The following E2F6 variants were observed in gnomAD, a reference collection of about 807,000 sequenced individuals.
E2F6 encodes E2F transcription factor 6.
E2F6 carries 19 observed loss-of-function variants against 31.5 expected under a neutral mutation model. That is an observed-to-expected ratio of 0.60 (90% CI 0.42 to 0.89). E2F6 has a LOEUF of 0.89. Ranked by LOEUF, E2F6 falls within the 40% of genes least tolerant of loss-of-function variation. The probability of loss-of-function intolerance (pLI) is 0.00; values close to 1 mark genes in which losing one functional copy is unlikely to be tolerated. For synonymous variants in E2F6, 121 were observed against 127.7 expected, an observed-to-expected ratio of 0.95 and a Z score of 0.36; for missense variants, 269 against 341.6, an observed-to-expected ratio of 0.79 and a Z score of 1.67.
intron 2 of E2F6, among the ~76,000 whole-genome samples, chr2:11,455,693 C>T (rs758668333): frequency 6.6e-6 from 1 of 152,110 alleles, no homozygotes; most frequent in Non-Finnish European, 1.5e-5. Flanking sequence ...CAACGGAACA[C>T]CAAAAATGTG....
At chr2:11,464,335 A>G (rs1255809402) in intron 1 of E2F6, among the ~76,000 whole-genome samples, 2 of 148,590 alleles carry the variant, frequency 1.3e-5, no homozygotes, top group African/African-American at 5.2e-5. Flanking sequence ...TTACACGGTG[A>G]AACCCCATCT....
intron 6 of E2F6, among the ~76,000 whole-genome samples, chr2:11,446,910 C>G (rs1019132399): frequency 6.6e-6 from 1 of 152,230 alleles, no homozygotes; most frequent in African/African-American, 2.4e-5. Flanking sequence ...AGCTTCCTAT[C>G]GGTCCAGCCT....
chr2:11,449,626 TTTG>T (rs1178830440), intron 5 of E2F6, among the ~76,000 whole-genome samples: 5 of 152,126 alleles, frequency 3.3e-5, no homozygotes, highest in Non-Finnish European at 4.4e-5. Flanking sequence ...CTTTCAAGAG[TTTG>T]TTAATTCCCC....
At chr2:11,451,414 C>CA in intron 4 of E2F6, 2 of 263,082 alleles carry the variant, frequency 7.6e-6, no homozygotes. Flanking sequence ...GCAATGGCGC[C>CA]ATCTCCGCTC....
chr2:11,458,822 T>A (rs1671579865), intron 1 of E2F6, among the ~76,000 whole-genome samples: 1 of 152,140 alleles, frequency 6.6e-6, no homozygotes, highest in Non-Finnish European at 1.5e-5. Context: ...TAAAATTAAT[T>A]TAGTTGTTAG....
In E2F6 at chr2:11,444,847, C is replaced by G. The variant is rs1463005599; in HGVS notation, c.*1630G>C. 6.6e-6 allele frequency: 1 copy of G among 152,268 alleles called. No individual in the cohort carries two copies. Among genetic ancestry groups the G allele is most frequent in the Non-Finnish European group, 1.5e-5 (1 of 68,082 alleles). 9.4% of individuals were successfully genotyped at this position (152,268 alleles called of 1,614,324 possible). A position where few individuals can be genotyped will look rare whatever the true frequency, so the allele number is the denominator to read the frequency against. On this transcript the variant is annotated 3_prime_UTR_variant, in exon 7 of 7. Transcript: ENST00000381525. ...GTTTTACCCTAGGCTTGCTCCTCCT[C>G]CTGTATTCCCTATTCTGTCAAACAG...
At chr2:11,446,725 C>T (rs1670738129) in intron 6 of E2F6, among the ~76,000 whole-genome samples, 2 of 152,192 alleles carry the variant, frequency 1.3e-5, no homozygotes, top group Non-Finnish European at 2.9e-5. Flanking sequence ...CTAACTTGTA[C>T]CTGAAAGCAC....
chr2:11,450,288 G>C (rs1261330705), intron 4 of E2F6, among the ~76,000 whole-genome samples, 162 bp from the exon 5 acceptor site: 1 of 151,882 alleles, frequency 6.6e-6, no homozygotes, highest in Non-Finnish European at 1.5e-5. Flanking sequence ...AAAATTCATT[G>C]ATAATCTTTA....
intron 3 of E2F6, 120 bp downstream of exon 3, chr2:11,453,462 T>G (rs1671198150): frequency 1.1e-6 from 1 of 935,024 alleles, no homozygotes; most frequent in East Asian, 2.5e-5. Context: ...AATTCTCTTC[T>G]AACAAGAAGT....
chr2:11,456,355 TAAG>T (rs1283059442), intron 2 of E2F6, among the ~76,000 whole-genome samples: 6 of 152,080 alleles, frequency 3.9e-5, no homozygotes, highest in Non-Finnish European at 7.4e-5. Context: ...GACTGCCTTC[TAAG>T]AAGGAGACCC....
chr2:11,459,277 T>C (rs1285721667), intron 1 of E2F6, among the ~76,000 whole-genome samples: 1 of 152,136 alleles, frequency 6.6e-6, no homozygotes, highest in Non-Finnish European at 1.5e-5. Flanking sequence ...CCTCGCTAGC[T>C]ATGCATTCTA....
At chr2:11,465,665 G>T in intron 1 of E2F6, 107 bp downstream of exon 1, 1 of 1,157,076 alleles carries the variant, frequency 8.6e-7, no homozygotes, top group South Asian at 1.4e-5. Context: ...CTGGCCCAGG[G>T]GGAGCAGACG....
intron 6 of E2F6, 40 bp downstream of exon 6, chr2:11,447,587 T>C (rs1572486179): frequency 1.2e-6 from 2 of 1,600,400 alleles, no homozygotes; most frequent in Non-Finnish European, 8.5e-7. Context: ...AAATTATGCA[T>C]GCTTAATTAA....
chr2:11,447,533 C>T, intron 6 of E2F6, 94 bp downstream of exon 6: 1 of 1,365,688 alleles, frequency 7.3e-7, no homozygotes, highest in South Asian at 1.4e-5. Flanking sequence ...GTTTTTGTGG[C>T]TAGGAAGAGT....
At chr2:11,465,443 G>C (rs1325552949) in intron 1 of E2F6, among the ~76,000 whole-genome samples, 1 of 152,170 alleles carries the variant, frequency 6.6e-6, no homozygotes, top group Non-Finnish European at 1.5e-5. Context: ...GATGGGAGAG[G>C]AGGCAGAAAA....
intron 6 of E2F6, among the ~76,000 whole-genome samples, chr2:11,446,733 C>G (rs1435012080): frequency 6.6e-6 from 1 of 152,208 alleles, no homozygotes; most frequent in African/African-American, 2.4e-5. Context: ...TACCTGAAAG[C>G]ACCCGTCCGA....
At chr2:11,457,772 T>C (rs1421110811) in intron 1 of E2F6, among the ~76,000 whole-genome samples, 1 of 152,194 alleles carries the variant, frequency 6.6e-6, no homozygotes. Context: ...CTCCTTGCTA[T>C]TATTAAGTAC....
At chr2:11,446,611 C>CCT in intron 6 of E2F6, 88 bp from the exon 7 acceptor site, 1 of 1,116,556 alleles carries the variant, frequency 9.0e-7, no homozygotes, top group Non-Finnish European at 1.3e-6. Context: ...AATACACAAT[C>CCT]TGACTACTTC....
At chr2:11,465,737 A>C (rs1251177167) in intron 1 of E2F6, 35 bp downstream of exon 1, 4 of 1,552,240 alleles carry the variant, frequency 2.6e-6, no homozygotes, top group Non-Finnish European at 3.5e-6. Context: ...GATTTGGGAG[A>C]CCACCGCCCG....
Sources: allele counts gnomAD v4.1 joint callset (sites outside exome capture counted in the v4.1 genomes callset), GRCh38; gene constraint gnomAD v4.1.1; transcripts MANE v1.5; gene names NCBI Gene and HGNC (gene_info 2026-07-23, HGNC 2026-07-21).